GTF2E1: variants seen among roughly 807,000 people sequenced by gnomAD.
The protein encoded by GTF2E1 is general transcription factor IIE subunit 1.
GTF2E1 carries 14 observed loss-of-function variants against 34.9 expected under a neutral mutation model. The ratio of observed to expected loss-of-function variants is 0.40; its 90% CI spans 0.27 to 0.63. The LOEUF (loss-of-function observed/expected upper bound fraction) is 0.63. Among genes scored for constraint, GTF2E1 ranks in the 20% least tolerant of loss-of-function variants. GTF2E1 has a pLI of 0.39. For synonymous variants in GTF2E1, 188 were observed against 192.9 expected, an observed-to-expected ratio of 0.97 and a Z score of 0.21; for missense variants, 469 against 557.7, an observed-to-expected ratio of 0.84 and a Z score of 1.60.
At chr3:120,752,450 G>A (rs1041657648) in intron 2 of GTF2E1, among the ~76,000 whole-genome samples, 4 of 152,194 alleles carry the variant, frequency 2.6e-5, no homozygotes, top group African/African-American at 9.7e-5. Flanking sequence ...GACCACAGTA[G>A]AAGGTGTTAT....
intron 2 of GTF2E1, among the ~76,000 whole-genome samples, chr3:120,760,492 TC>T (rs1439635141): frequency 5.9e-5 from 9 of 152,212 alleles, no homozygotes; most frequent in Non-Finnish European, 1.3e-4. Context: ...AGAGAGGGCA[TC>T]CTTGTCTTGT....
intron 2 of GTF2E1, 163 bp downstream of exon 2, chr3:120,751,163 C>T (rs954001415): frequency 3.6e-5 from 20 of 559,008 alleles, no homozygotes; most frequent in East Asian, 8.6e-5. Flanking sequence ...GTTTGGCTGT[C>T]GCACTACTTT....
chr3:120,750,664 A>G lies in GTF2E1; in HGVS notation c.112A>G (p.Ile38Val). 6.2e-7 allele frequency: 1 copy of G among 1,614,088 alleles called. No individual in the cohort carries two copies. The highest frequency in any genetic ancestry group is 8.5e-7 in the Non-Finnish European group (1 of 1,179,946). ...GCATGCCTTGGCCTTGGACATCTTG[A>G]TCAGGAACTCCTGTGTGAAAGAGGA... is the stretch of plus-strand genomic sequence containing the variant. Reference protein sequence around the residue: ...IEHALALDILIRNSCVKEEDM... With the variant: ...IEHALALDILVRNSCVKEEDM... Residue 38 changes from isoleucine to valine, a missense_variant, in exon 2 of 5, where the codon ATC becomes GTC. Physicochemically the swap from Ile to Val is conservative, Grantham distance 29 (BLOSUM62 3). Coordinates refer to ENST00000283875, the MANE Select transcript of GTF2E1 (RefSeq NM_005513.3).
intron 3 of GTF2E1, 77 bp downstream of exon 3, chr3:120,771,006 C>T: frequency 8.6e-7 from 1 of 1,159,976 alleles, no homozygotes. Flanking sequence ...CCTTGGAGAA[C>T]AAGAGTGGGT....
chr3:120,759,653 A>T (rs192509475), intron 2 of GTF2E1, among the ~76,000 whole-genome samples: 1 of 152,346 alleles, frequency 6.6e-6, no homozygotes, highest in East Asian at 1.9e-4. Flanking sequence ...AGCTTTCTAC[A>T]TAGGGCTAGC....
intron 2 of GTF2E1, among the ~76,000 whole-genome samples, chr3:120,763,962 T>A (rs961467895): frequency 1.3e-5 from 2 of 152,188 alleles, no homozygotes; most frequent in Non-Finnish European, 2.9e-5. Context: ...GGAGACTATT[T>A]CTATCATTAT....
At chr3:120,776,950 C>G (rs1576363579) in intron 4 of GTF2E1, among the ~76,000 whole-genome samples, 1 of 152,148 alleles carries the variant, frequency 6.6e-6, no homozygotes, top group Non-Finnish European at 1.5e-5. Flanking sequence ...CTGTTGTTTT[C>G]AAGGTAGCCA....
intron 1 of GTF2E1, 141 bp from the exon 2 acceptor site, chr3:120,750,382 A>C: frequency 1.7e-6 from 1 of 576,526 alleles, no homozygotes; most frequent in African/African-American, 1.9e-5. Context: ...TCTAGAGGAA[A>C]ATCTTGTTCT....
chr3:120,781,525 C>T lies in GTF2E1; in HGVS notation c.*55C>T. ...ATGCTCAGTTCAAAAAGGAATGTCTCATCTTTGAAGAAAAGTATTTAAGTG... is the reference window on the plus strand; with the variant it reads ...ATGCTCAGTTCAAAAAGGAATGTCTTATCTTTGAAGAAAAGTATTTAAGTG... On this transcript the variant is annotated 3_prime_UTR_variant, in exon 5 of 5. Transcript: ENST00000283875. 1.4e-6 allele frequency: 2 copies of T among 1,386,348 alleles called. No individual in the cohort carries two copies. The highest frequency in any genetic ancestry group is 2.0e-6 in the Non-Finnish European group (2 of 990,126). The allele number at this position is 1,386,348 out of a possible 1,614,324, so 85.9% of individuals were successfully genotyped here. A position where few individuals can be genotyped will look rare whatever the true frequency, so the allele number is the denominator to read the frequency against.
At chr3:120,764,738 T>C (rs1709292498) in intron 2 of GTF2E1, among the ~76,000 whole-genome samples, 1 of 152,240 alleles carries the variant, frequency 6.6e-6, no homozygotes, top group South Asian at 2.1e-4. Context: ...GAGCACGTAC[T>C]TGTCAAACTC....
At position 120,758,350 on chromosome 3, in the gene GTF2E1, T is replaced by C. The variant is rs536714236; in HGVS notation, c.448+7350T>C. ...ATCCTTCCAGTCCTGTTACCTTGTA[T>C]CCCTAACACCATCCTCCAGAAGCCC... On this transcript the variant is annotated intron_variant, in intron 2 of 4. Coordinates refer to ENST00000283875, the MANE Select transcript of GTF2E1 (RefSeq NM_005513.3). Among the ~76,000 whole-genome samples, 278 of 152,300 alleles carry C rather than the reference T, an allele frequency of 1.8e-3. 1 individual carries two copies. The highest frequency in any genetic ancestry group is 2.5e-3 in the Non-Finnish European group (171 of 68,020).
rs1335019756 is a variant in GTF2E1 at position 120,750,912 on chromosome 3, T to G, written c.360T>G (p.Asp120Glu). 1.2e-6 allele frequency: 2 copies of G among 1,613,976 alleles called. No homozygotes were observed. The highest frequency in any genetic ancestry group is 1.3e-5 in the African/African-American group (1 of 75,028). ...GAAGAATTGAGACCGATGAGAGAGA[T>G]TCGACCAACCGGGCTTCCTTCAAAT... ...MRRRIETDER[D>E]STNRASFKCP... The change falls in exon 2 of 5, where the codon GAT becomes GAG. Residue 120 changes from aspartate to glutamate, a missense_variant. By Grantham distance (45) the Asp-to-Glu change is conservative. Transcript: ENST00000283875.
At position 120,781,896 on chromosome 3, in the gene GTF2E1, A is replaced by G. The variant is rs1242500781; in HGVS notation, c.*426A>G. The G allele has an allele frequency of 2.5e-5, 4 of 159,786 alleles. No homozygotes were observed. Among genetic ancestry groups the G allele is most frequent in the South Asian group, 3.4e-4 (2 of 5,938 alleles). The allele number at this position is 159,786 out of a possible 1,614,324, so 9.9% of individuals were successfully genotyped here. A position where few individuals can be genotyped will look rare whatever the true frequency, so the allele number is the denominator to read the frequency against. On this transcript the variant is annotated 3_prime_UTR_variant, in exon 5 of 5. Transcript: ENST00000283875. ...ATGCCTGGCTAATTTTTGTATTTTT[A>G]GTAGAGGCAGGGTTTCACCATGTTA... is the stretch of plus-strand genomic sequence containing the variant.
In GTF2E1 at chr3:120,776,569, G is replaced by A; in HGVS notation, c.797G>A (p.Arg266Gln). 1 of 1,613,850 alleles carries A rather than the reference G, an allele frequency of 6.2e-7. No individual in the cohort carries two copies. Among genetic ancestry groups the A allele is most frequent in the Non-Finnish European group, 8.5e-7 (1 of 1,179,876 alleles). ...ATGGATGACCAAGAAGATCTTCATC[G>A]AGCCTCACTGGAAGGGAAATCTGCC... Reference protein sequence around the residue: ...INMDDQEDLHRASLEGKSAKE... With the variant: ...INMDDQEDLHQASLEGKSAKE... The change falls in exon 4 of 5, where the codon CGA (arginine) becomes CAA (glutamine). Residue 266 changes from arginine to glutamine, a missense_variant. Arg to Gln is a conservative substitution (Grantham distance 43, BLOSUM62 1). Transcript: ENST00000283875.
rs761264186 is a variant in GTF2E1, at chr3:120,781,368, T to C, written c.1218T>C (p.Ser406=). The change falls in exon 5 of 5, where the codon AGT becomes AGC. Residue 406 remains serine, a synonymous_variant. Transcript: ENST00000283875. Reference sequence around the variant, plus strand: ...TGGCTGGCCGTCCGTTCTCCTACAGTGAAGTGAGCCAACGGCCAGAGCTAG... The same window carrying C: ...TGGCTGGCCGTCCGTTCTCCTACAGCGAAGTGAGCCAACGGCCAGAGCTAG... ...VMVAGRPFSY[S]EVSQRPELVA... 6.2e-7 allele frequency: 1 copy of C among 1,613,916 alleles called. No homozygotes were observed. The highest frequency in any genetic ancestry group is 1.7e-5 in the Admixed American group (1 of 60,020).
chr3:120,774,349 G>A (rs1403769007), intron 3 of GTF2E1, among the ~76,000 whole-genome samples: 1 of 152,124 alleles, frequency 6.6e-6, no homozygotes, highest in Non-Finnish European at 1.5e-5. Flanking sequence ...TAAAAAACCA[G>A]ATCAGACCAA....
intron 2 of GTF2E1, among the ~76,000 whole-genome samples, chr3:120,753,386 G>A (rs1467690650): frequency 1.3e-5 from 2 of 152,098 alleles, no homozygotes; most frequent in Non-Finnish European, 1.5e-5. Flanking sequence ...GCCCAGTCCT[G>A]TACAAATACC....
chr3:120,760,204 G>C (rs1365846862), intron 2 of GTF2E1, among the ~76,000 whole-genome samples: 1 of 152,104 alleles, frequency 6.6e-6, no homozygotes, highest in Non-Finnish European at 1.5e-5. Flanking sequence ...ATTGTGAATG[G>C]GAGTTCACTC....
chr3:120,752,144 G>A lies in GTF2E1; in HGVS notation c.448+1144G>A, dbSNP rs889561675. Among the ~76,000 whole-genome samples, 4 of 152,230 alleles carry A rather than the reference G, an allele frequency of 2.6e-5. No homozygotes were observed. In the Middle Eastern group the frequency reaches 0.01, roughly 388 times the overall value. ...TGATTTTGGATGAAAACTGATTTAA[G>A]GAATTCACAATTGTATTAAACATTT... On this transcript the variant is annotated intron_variant, in intron 2 of 4. Coordinates refer to ENST00000283875, the MANE Select transcript of GTF2E1 (RefSeq NM_005513.3).
Sources: allele counts gnomAD v4.1 joint callset (sites outside exome capture counted in the v4.1 genomes callset), GRCh38; gene constraint gnomAD v4.1.1; transcripts MANE v1.5; gene names NCBI Gene and HGNC (gene_info 2026-07-23, HGNC 2026-07-21).